The following ALK variants were observed in gnomAD, a reference collection of about 807,000 sequenced individuals.
ALK encodes ALK receptor tyrosine kinase.
ALK carries 74 observed loss-of-function variants against 163.1 expected under a neutral mutation model. The ratio of observed to expected loss-of-function variants is 0.45; its 90% CI spans 0.38 to 0.55. The LOEUF (loss-of-function observed/expected upper bound fraction) is 0.55, where lower values mean the gene tolerates loss of function less well. Ranked by LOEUF, ALK falls within the 20% of genes least tolerant of loss-of-function variation. The pLI, the probability that ALK is intolerant of heterozygous loss-of-function variation, is 0.00. For missense variants in ALK, 2,063 were observed against 2,105.3 expected, an observed-to-expected ratio of 0.98 and a Z score of 0.39; for synonymous variants, 960 against 843.2, an observed-to-expected ratio of 1.14 and a Z score of -2.40.
At chr2:29,481,333 A>G (rs969715550) in intron 4 of ALK, among the ~76,000 whole-genome samples, 3 of 152,228 alleles carry the variant, frequency 2.0e-5, no homozygotes, top group African/African-American at 7.2e-5. Flanking sequence ...CTGTAAACAA[A>G]TTTAGATTTA....
rs1227740664 is a variant in ALK, at chr2:29,227,963, A to G, written c.2816-291T>C. Among the ~76,000 whole-genome samples the G allele has an allele frequency of 1.3e-5, 2 of 152,190 alleles. No homozygotes were observed. Among genetic ancestry groups the G allele is most frequent in the Non-Finnish European group, 2.9e-5 (2 of 68,026 alleles). ...TGTGAGCAAGAGTCCAAAAAGTTCT[A>G]GTCTTTCCAGGCTGGGATATGCCCA... On this transcript the variant is annotated intron_variant, in intron 16 of 28. Transcript: ENST00000389048. The surrounding 1 kb of genome is among the most constrained non-coding windows in gnomAD (Gnocchi z 4.4).
At chr2:29,579,200 C>G (rs1024827761) in intron 3 of ALK, among the ~76,000 whole-genome samples, 1 of 152,218 alleles carries the variant, frequency 6.6e-6, no homozygotes, top group Non-Finnish European at 1.5e-5. Flanking sequence ...GCCAATTTGC[C>G]GTGTGACCTT....
At chr2:29,266,078 T>C (rs986092933) in intron 11 of ALK, among the ~76,000 whole-genome samples, 1 of 152,270 alleles carries the variant, frequency 6.6e-6, no homozygotes, top group South Asian at 2.1e-4. Context: ...AGAATTTTCG[T>C]GAACAAGGTT....
intron 3 of ALK, among the ~76,000 whole-genome samples, chr2:29,621,614 T>C (rs1336217196): frequency 2.0e-5 from 3 of 152,252 alleles, no homozygotes; most frequent in Non-Finnish European, 4.4e-5. Context: ...CGTCTCATCA[T>C]GTGGGACCCT....
intron 24 of ALK, 48 bp from the exon 25 acceptor site, chr2:29,209,926 A>C: frequency 6.8e-7 from 1 of 1,465,210 alleles, no homozygotes; most frequent in African/African-American, 1.4e-5. Context: ...TAGGAAGATG[A>C]GTGTACAACG....
intron 1 of ALK, among the ~76,000 whole-genome samples, chr2:29,848,114 G>A (rs1311392164): frequency 1.3e-5 from 2 of 152,152 alleles, no homozygotes; most frequent in African/African-American, 4.8e-5. Context: ...GTCCCTGGGG[G>A]ATCAGGGGCA....
chr2:29,842,577 G>C (rs1288636249), intron 1 of ALK, among the ~76,000 whole-genome samples: 1 of 152,202 alleles, frequency 6.6e-6, no homozygotes, highest in African/African-American at 2.4e-5. Flanking sequence ...TTATGGTTAA[G>C]GGGCAGTGAA....
At chr2:29,807,343 T>A (rs923749853) in intron 1 of ALK, among the ~76,000 whole-genome samples, 1 of 152,104 alleles carries the variant, frequency 6.6e-6, no homozygotes, top group African/African-American at 2.4e-5. Context: ...GCGGTGTGAG[T>A]CTTGTGCTAT....
intron 5 of ALK, among the ~76,000 whole-genome samples, chr2:29,331,281 A>G (rs1433849520): frequency 2.0e-5 from 3 of 152,192 alleles, no homozygotes; most frequent in Non-Finnish European, 2.9e-5. Context: ...AAAATGCACA[A>G]CAAAAAATTA....
chr2:29,537,291 G>T (rs886866528), intron 3 of ALK, among the ~76,000 whole-genome samples: 2 of 152,238 alleles, frequency 1.3e-5, no homozygotes, highest in African/African-American at 4.8e-5. Context: ...GAGGCTAAGA[G>T]GCAAGAATGG....
chr2:29,497,533 C>T (rs1399300907), intron 4 of ALK, among the ~76,000 whole-genome samples: 1 of 152,156 alleles, frequency 6.6e-6, no homozygotes, highest in Non-Finnish European at 1.5e-5. Flanking sequence ...CACTCTCTTT[C>T]CTCCTCTCCT....
At chr2:29,508,782 C>A (rs1430390251) in intron 4 of ALK, among the ~76,000 whole-genome samples, 3 of 148,292 alleles carry the variant, frequency 2.0e-5, no homozygotes, top group Non-Finnish European at 4.5e-5. Flanking sequence ...CCAGCCCATC[C>A]CTGACCTATT....
At chr2:29,609,427 A>G (rs77634713) in intron 3 of ALK, among the ~76,000 whole-genome samples, 2,876 of 152,216 alleles carry the variant, frequency 0.019, 88 homozygotes, top group African/African-American at 0.066. Context: ...CTGGTGGCCC[A>G]CAGAAGAGAA....
Position 29,229,000 on chromosome 2 carries a change from G to T in ALK, c.2699C>A (p.Ala900Asp). ...CTGGGGGCAGGAATGTCCTCCGGTG[G>T]CACCCTCCTGCAAAGATTTTCCGGC... is the stretch of plus-strand genomic sequence containing the variant. Reference protein sequence around the residue: ...LWAGKSLQEGATGGHSCPQAM... With the variant: ...LWAGKSLQEGDTGGHSCPQAM... The change falls in exon 16 of 29, where the codon GCC becomes GAC. Residue 900 changes from alanine (A) to aspartate (D), a missense_variant. By Grantham distance (126) the Ala-to-Asp change is moderately radical. Coordinates refer to ENST00000389048, the MANE Select transcript of ALK (RefSeq NM_004304.5). The T allele has an allele frequency of 6.2e-7, 1 of 1,612,204 alleles. No individual in the cohort carries two copies. Among genetic ancestry groups the T allele is most frequent in the Non-Finnish European group, 8.5e-7 (1 of 1,179,368 alleles).
intron 11 of ALK, among the ~76,000 whole-genome samples, chr2:29,269,848 C>A (rs1008671137): frequency 2.6e-5 from 4 of 152,174 alleles, no homozygotes; most frequent in Admixed American, 6.5e-5. Flanking sequence ...TCCAAGTGCA[C>A]CAGTGAAGGC....
At chr2:29,514,892 C>T (rs759476279) in intron 4 of ALK, among the ~76,000 whole-genome samples, 7 of 152,210 alleles carry the variant, frequency 4.6e-5, no homozygotes, top group Non-Finnish European at 1.0e-4. Flanking sequence ...CCATACCCAT[C>T]CCTACCCTAC....
In ALK at chr2:29,226,916, C is replaced by T. The variant is rs1573131521; in HGVS notation, c.3067+6G>A. The T allele has an allele frequency of 6.2e-7, 1 of 1,614,138 alleles. No homozygotes were observed. Among genetic ancestry groups the T allele is most frequent in the Non-Finnish European group, 8.5e-7 (1 of 1,180,038 alleles). ...CCCTCTGCCTCCCCTGGCCCTGCCC[C>T]CTTACCAATGCAGGAGACGCCATCC... On this transcript the variant is annotated splice_donor_region_variant and intron_variant, in intron 18 of 28. Coordinates refer to ENST00000389048, the MANE Select transcript of ALK (RefSeq NM_004304.5).
chr2:29,694,983 C>A lies in ALK; in HGVS notation c.819G>T (p.Glu273Asp), dbSNP rs758537157. 3.1e-6 allele frequency: 5 copies of A among 1,614,104 alleles called. No homozygotes were observed. In the Admixed American group the frequency reaches 8.3e-5, roughly 27 times the overall value. Residue 273 changes from glutamate (E) to aspartate (D), a missense_variant, in exon 3 of 29, where the codon GAG becomes GAT. Physicochemically the swap from Glu to Asp is conservative, Grantham distance 45. Coordinates refer to ENST00000389048, the MANE Select transcript of ALK (RefSeq NM_004304.5). ...GLECSFDFPC[E>D]LEYSPPLHDL... ...CATGCAGTGGAGGGGAATACTCCAG[C>A]TCACAGGGGAAGTCAAAGCTGCACT...
chr2:29,881,588 C>T (rs1432632383), intron 1 of ALK, among the ~76,000 whole-genome samples: 2 of 152,168 alleles, frequency 1.3e-5, no homozygotes, highest in South Asian at 2.1e-4. Context: ...GCTGTCTCCC[C>T]GCCTCCTGCG....
Sources: allele counts gnomAD v4.1 joint callset (sites outside exome capture counted in the v4.1 genomes callset), GRCh38; gene constraint gnomAD v4.1.1; non-coding constraint Gnocchi (gnomAD v3.1); transcripts MANE v1.5; gene names NCBI Gene and HGNC (gene_info 2026-07-23, HGNC 2026-07-21).